Variants in EVA1C observed in about 807,000 individuals in gnomAD.
EVA1C encodes protein eva-1 homolog C.
A neutral mutation model predicts 45.4 loss-of-function variants in EVA1C; 25 were observed. The observed-to-expected ratio is 0.55, with a 90% confidence interval of 0.40 to 0.77. The LOEUF (loss-of-function observed/expected upper bound fraction) is 0.77. Ranked by LOEUF, EVA1C falls within the 30% of genes least tolerant of loss-of-function variation. EVA1C has a pLI of 0.00. For missense variants in EVA1C, 479 were observed against 554.8 expected (o/e 0.86, Z 1.37); for synonymous variants, 190 against 221.2 (o/e 0.86, Z 1.25).
intron 3 of EVA1C, among the ~76,000 whole-genome samples, chr21:32,466,474 T>C (rs2036179513): frequency 6.7e-6 from 1 of 150,122 alleles, no homozygotes; most frequent in Non-Finnish European, 1.5e-5. Context: ...AATTAAATGG[T>C]TTTGGAGTAC....
intron 4 of EVA1C, among the ~76,000 whole-genome samples, chr21:32,489,964 G>A (rs1377460822): frequency 6.6e-6 from 1 of 152,030 alleles, no homozygotes; most frequent in Non-Finnish European, 1.5e-5. Flanking sequence ...ACCGCGCCTG[G>A]CTAATTTTTG....
intron 1 of EVA1C, among the ~76,000 whole-genome samples, chr21:32,424,252 C>T (rs946766114): frequency 7.9e-5 from 12 of 152,078 alleles, no homozygotes; most frequent in African/African-American, 2.9e-4. Context: ...CAGTGGCTTC[C>T]GAAATTCTCA....
At chr21:32,459,958 G>A (rs1041824) in intron 3 of EVA1C, among the ~76,000 whole-genome samples, 64,269 of 151,700 alleles carry the variant, frequency 0.42, 14,250 homozygotes, top group African/African-American at 0.53. Flanking sequence ...TGTTTGAAAT[G>A]TTTCATAATA....
intron 4 of EVA1C, among the ~76,000 whole-genome samples, chr21:32,481,401 CTT>C (rs5843555): frequency 5.3e-4 from 71 of 133,022 alleles, no homozygotes; most frequent in East Asian, 1.1e-3. Flanking sequence ...GAAACAGAAC[CTT>C]TTTTTTTTTT....
At chr21:32,502,038 TTCTTTC>T (rs1476576541) in intron 6 of EVA1C, among the ~76,000 whole-genome samples, 1 of 78,254 alleles carries the variant, frequency 1.3e-5, no homozygotes, top group Admixed American at 1.2e-4. Flanking sequence ...CTTTCTTTCT[TTCTTTC>T]TTTCTTTCTT....
At chr21:32,415,824 G>T (rs1410029796) in intron 1 of EVA1C, among the ~76,000 whole-genome samples, 1 of 152,198 alleles carries the variant, frequency 6.6e-6, no homozygotes, top group East Asian at 1.9e-4. Flanking sequence ...GCGAAGGCAA[G>T]AGAAGTTCAT....
intron 7 of EVA1C, among the ~76,000 whole-genome samples, chr21:32,512,001 A>T (rs1295384867): frequency 6.6e-6 from 1 of 152,046 alleles, no homozygotes; most frequent in African/African-American, 2.4e-5. Context: ...TATTAAATTA[A>T]AAAAAAACAC....
intron 1 of EVA1C, among the ~76,000 whole-genome samples, chr21:32,419,055 TA>T (rs1410444434): frequency 6.6e-6 from 1 of 152,242 alleles, no homozygotes; most frequent in East Asian, 1.9e-4. Flanking sequence ...AGTGTGCATA[TA>T]TTGGAGATGT....
chr21:32,429,946 T>C (rs1009988080), intron 1 of EVA1C, among the ~76,000 whole-genome samples: 4 of 152,208 alleles, frequency 2.6e-5, no homozygotes, highest in African/African-American at 9.7e-5. Flanking sequence ...AAATCTAGTG[T>C]ATATTTTACA....
intron 4 of EVA1C, among the ~76,000 whole-genome samples, chr21:32,485,074 A>C (rs1323284014): frequency 1.3e-5 from 2 of 152,108 alleles, no homozygotes; most frequent in African/African-American, 4.8e-5. Context: ...CTTCCTCTGT[A>C]GTTGACATTC....
At chr21:32,464,754 G>T (rs2036116399) in intron 3 of EVA1C, among the ~76,000 whole-genome samples, 1 of 152,166 alleles carries the variant, frequency 6.6e-6, no homozygotes, top group South Asian at 2.1e-4. Flanking sequence ...CCTGGGAGGT[G>T]GAGGTTGCAG....
chr21:32,506,140 C>A (rs1271288581), intron 7 of EVA1C, among the ~76,000 whole-genome samples: 3 of 151,280 alleles, frequency 2.0e-5, no homozygotes, highest in Non-Finnish European at 4.4e-5. Context: ...TTGTCATTCC[C>A]AGAAACCACA....
intron 1 of EVA1C, among the ~76,000 whole-genome samples, chr21:32,426,694 A>T (rs2035857139): frequency 6.6e-6 from 1 of 151,826 alleles, no homozygotes; most frequent in South Asian, 2.1e-4. Context: ...GAGTCGACGG[A>T]CTCCTCTGAA....
intron 4 of EVA1C, among the ~76,000 whole-genome samples, chr21:32,470,219 G>T (rs1437753167): frequency 6.6e-6 from 1 of 152,068 alleles, no homozygotes; most frequent in African/African-American, 2.4e-5. Context: ...AAAAGAAAAT[G>T]AACAAAAAGT....
chr21:32,497,687 T>C (rs2037397542), intron 5 of EVA1C, among the ~76,000 whole-genome samples: 1 of 152,160 alleles, frequency 6.6e-6, no homozygotes, highest in African/African-American at 2.4e-5. Flanking sequence ...GATAAAGACA[T>C]ACCCGAGACT....
intron 1 of EVA1C, among the ~76,000 whole-genome samples, chr21:32,450,383 ATT>A (rs3056328): frequency 0.17 from 25,196 of 145,568 alleles, 2,373 homozygotes; most frequent in Admixed American, 0.27. Context: ...GAGCCTTGTC[ATT>A]TTTTTTTTTT....
intron 3 of EVA1C, among the ~76,000 whole-genome samples, chr21:32,459,545 T>C (rs1282326657): frequency 3.3e-5 from 5 of 152,120 alleles, no homozygotes; most frequent in Non-Finnish European, 7.4e-5. Context: ...TATTGCCCTT[T>C]AAAAAGTGGC....
At chr21:32,477,977 C>T (rs376617327) in intron 4 of EVA1C, among the ~76,000 whole-genome samples, 23 of 140,838 alleles carry the variant, frequency 1.6e-4, no homozygotes, top group African/African-American at 5.0e-4. Context: ...CTGTCCCCTC[C>T]GCCATATGCT....
chr21:32,420,102 AC>A (rs1336275538), intron 1 of EVA1C, among the ~76,000 whole-genome samples: 1 of 152,150 alleles, frequency 6.6e-6, no homozygotes, highest in Non-Finnish European at 1.5e-5. Context: ...TAACTTCTTT[AC>A]TTGGTTTCCC....
Sources: allele counts gnomAD v4.1 joint callset (sites outside exome capture counted in the v4.1 genomes callset), GRCh38; gene constraint gnomAD v4.1.1; transcripts MANE v1.5; gene names NCBI Gene and HGNC (gene_info 2026-07-23, HGNC 2026-07-21).